The following STT3A variants were observed in gnomAD, a reference collection of about 807,000 sequenced individuals.
The protein encoded by STT3A is STT3 oligosaccharyltransferase complex catalytic subunit A.
STT3A carries 34 observed loss-of-function variants against 89.2 expected under a neutral mutation model. That is an observed-to-expected ratio of 0.38 (90% CI 0.29 to 0.51). The LOEUF is 0.51. Ranked by LOEUF, STT3A falls within the 20% of genes least tolerant of loss-of-function variation. The probability of loss-of-function intolerance (pLI) is 0.89; values close to 1 mark genes in which losing one functional copy is unlikely to be tolerated. For missense variants in STT3A, 555 were observed against 889.5 expected, an observed-to-expected ratio of 0.62 and a Z score of 4.78; for synonymous variants, 282 against 310.3, an observed-to-expected ratio of 0.91 and a Z score of 0.96.
chr11:125,608,074 C>T (rs1253732067), intron 8 of STT3A, 35 bp from the exon 9 acceptor site: 17 of 1,535,846 alleles, frequency 1.1e-5, no homozygotes, highest in Admixed American at 8.6e-5. Context: ...CATTTTTTTT[C>T]CTTAGTATTA....
chr11:125,612,821 G>A (rs962995884), intron 12 of STT3A, 74 bp downstream of exon 12: 8 of 1,566,730 alleles, frequency 5.1e-6, no homozygotes, highest in Non-Finnish European at 6.9e-6. Context: ...GGGCAGCGGG[G>A]GGTGGGAGGA....
At chr11:125,599,072 T>A (rs1456978117) in intron 3 of STT3A, among the ~76,000 whole-genome samples, 1 of 152,228 alleles carries the variant, frequency 6.6e-6, no homozygotes, top group Non-Finnish European at 1.5e-5. Context: ...AGGAGGAAAC[T>A]GATTCCCAGA....
chr11:125,612,416 CAA>C (rs1940054401), intron 11 of STT3A, among the ~76,000 whole-genome samples, 174 bp from the exon 12 acceptor site: 1 of 152,094 alleles, frequency 6.6e-6, no homozygotes, highest in African/African-American at 2.4e-5. Flanking sequence ...ATAATTGAAA[CAA>C]AGTTTAAGAA....
rs576171078 is a variant in STT3A, at chr11:125,612,531, G to A, written c.1210-61G>A. 3 of 1,545,586 alleles carry A rather than the reference G, an allele frequency of 1.9e-6. No individual in the cohort carries two copies. The South Asian group carries it at 3.7e-5, about 19-fold the overall frequency. On this transcript the variant is annotated intron_variant, in intron 11 of 17. Transcript: ENST00000392708. ...AAATTGATGTCTTGATCTACTAATAGGCTGAAATCTGTAAATTGTGGAACA... is the reference window on the plus strand; with the variant it reads ...AAATTGATGTCTTGATCTACTAATAAGCTGAAATCTGTAAATTGTGGAACA...
chr11:125,611,563 G>A (rs753494770), intron 11 of STT3A, 44 bp downstream of exon 11: 21 of 1,561,574 alleles, frequency 1.3e-5, no homozygotes, highest in Non-Finnish European at 1.8e-5. Context: ...CTCTAACTCT[G>A]AGGTGCTTTT....
chr11:125,595,998 T>C lies in STT3A; in HGVS notation c.83T>C (p.Val28Ala), dbSNP rs1200511204. 1.2e-6 allele frequency: 2 copies of C among 1,611,694 alleles called. No homozygotes were observed. The highest frequency in any genetic ancestry group is 1.3e-5 in the African/African-American group (1 of 74,848). The change falls in exon 2 of 18, where the codon GTA becomes GCA. Residue 28 changes from valine (V) to alanine (A), a missense_variant. By Grantham distance (64) the Val-to-Ala change is moderately conservative. Transcript: ENST00000392708. Reference sequence around the variant, plus strand: ...CTTCTCATTCTGTCAATGGCTGCTGTATTATGTGAGTGTGCATGTGAACCT... The same window carrying C: ...CTTCTCATTCTGTCAATGGCTGCTGCATTATGTGAGTGTGCATGTGAACCT... ...LKLLILSMAA[V>A]LSFSTRLFAV...
At chr11:125,597,981 A>G (rs915209430) in intron 3 of STT3A, among the ~76,000 whole-genome samples, 1 of 152,210 alleles carries the variant, frequency 6.6e-6, no homozygotes, top group Non-Finnish European at 1.5e-5. Flanking sequence ...GGGGAGGCCA[A>G]GGCGGGCAGA....
intron 3 of STT3A, 146 bp downstream of exon 3, chr11:125,597,265 A>G (rs1939524860): frequency 3.6e-6 from 3 of 829,486 alleles, no homozygotes; most frequent in African/African-American, 1.7e-5. Context: ...AATTCTTCCA[A>G]AGGAGATAAT....
Position 125,621,037 on chromosome 11 carries a change from A to G in STT3A, c.*227A>G, listed in dbSNP as rs1168562068. 2.1e-5 allele frequency: 9 copies of G among 421,872 alleles called. No homozygotes were observed. Among genetic ancestry groups the G allele is most frequent in the Middle Eastern group, 6.2e-4 (1 of 1,602 alleles). The allele number at this position is 421,872 out of a possible 1,614,324, so 26.1% of individuals were successfully genotyped here. A position where few individuals can be genotyped will look rare whatever the true frequency, so the allele number is the denominator to read the frequency against. ...AAATGTCATGGCTTTACTTTGGTCA[A>G]TTAAAGGGGGGAATTTTTTTAAAAA... On this transcript the variant is annotated 3_prime_UTR_variant, in exon 18 of 18. Transcript: ENST00000392708.
rs17140162 is a variant in STT3A, at chr11:125,620,721, C to A, written c.2080-51C>A. ...GTGAATCCATTTTAGTAGAAAATTT[C>A]TCCAAAGTTGATCTGATTGTAAATA... On this transcript the variant is annotated intron_variant, in intron 17 of 17. Transcript: ENST00000392708. The A allele has an allele frequency of 7.8e-3, 12,293 of 1,586,062 alleles. 629 individuals carry two copies. In the African/African-American group the frequency reaches 0.13, roughly 16 times the overall value.
At chr11:125,617,456 G>T (rs1239054054) in intron 15 of STT3A, among the ~76,000 whole-genome samples, 5 of 152,090 alleles carry the variant, frequency 3.3e-5, no homozygotes, top group Admixed American at 6.5e-5. Flanking sequence ...CGAACTCTTT[G>T]CAGTAGTGCA....
At chr11:125,609,620 G>T (rs1325886111) in intron 10 of STT3A, 31 bp downstream of exon 10, 1 of 1,576,884 alleles carries the variant, frequency 6.3e-7, no homozygotes, top group Non-Finnish European at 8.6e-7. Flanking sequence ...AAATGGCCTT[G>T]TTCATAAGAA....
rs1389263648 is a variant in STT3A at position 125,622,287 on chromosome 11, A to G, written c.*1477A>G. On this transcript the variant is annotated 3_prime_UTR_variant, in exon 18 of 18. Coordinates refer to ENST00000392708, the MANE Select transcript of STT3A (RefSeq NM_152713.5). ...AGCCTTCCAAACCAATTTATATACC[A>G]TGTTCTTCAACTGTGGGTGAGATTT... 6.6e-6 allele frequency: 1 copy of G among 152,202 alleles called. No individual in the cohort carries two copies. The highest frequency in any genetic ancestry group is 1.5e-5 in the Non-Finnish European group (1 of 68,038). The allele number at this position is 152,202 out of a possible 1,614,324, so 9.4% of individuals were successfully genotyped here.
At chr11:125,620,150 G>A (rs1337631373) in intron 17 of STT3A, 24 bp downstream of exon 17, 9 of 1,578,396 alleles carry the variant, frequency 5.7e-6, no homozygotes, top group Non-Finnish European at 6.9e-6. Flanking sequence ...ATACGTCTCA[G>A]AAAGCAACTT....
intron 8 of STT3A, among the ~76,000 whole-genome samples, chr11:125,606,975 C>G (rs1939859320): frequency 6.6e-6 from 1 of 152,184 alleles, no homozygotes; most frequent in African/African-American, 2.4e-5. Context: ...TAGAGGTCAA[C>G]AAGTATTTCT....
intron 6 of STT3A, among the ~76,000 whole-genome samples, chr11:125,605,380 T>A (rs1939801346): frequency 6.6e-6 from 1 of 152,210 alleles, no homozygotes; most frequent in Non-Finnish European, 1.5e-5. Flanking sequence ...ATTTACTTAA[T>A]GTTTATTATA....
rs769861922 is a variant in STT3A at position 125,602,363 on chromosome 11, C to T, written c.210C>T (p.Asn70=). The T allele has an allele frequency of 1.9e-6, 3 of 1,613,736 alleles. No individual in the cohort carries two copies. The Admixed American group carries it at 5.0e-5, about 27-fold the overall frequency. ...LAEEGFYKFH[N]WFDDRAWYPL... The stretch of plus-strand genomic sequence containing the variant: ...AGGAGGGGTTTTATAAATTCCATAA[C>T]TGGTTTGATGACCGAGCCTGGTACC... Residue 70 remains asparagine, a synonymous_variant, in exon 4 of 18, where the codon AAC becomes AAT. Coordinates refer to ENST00000392708, the MANE Select transcript of STT3A (RefSeq NM_152713.5).
rs570752366 is a variant in STT3A at position 125,604,217 on chromosome 11, C to A, written c.478C>A (p.Arg160=). ...MIAVVPGYIS[R]SVAGSYDNEG... Reference sequence around the variant, plus strand: ...TGCTGTAGTTCCTGGATATATCTCCCGATCTGTGGCTGGCTCCTATGATAA... The same window carrying A: ...TGCTGTAGTTCCTGGATATATCTCCAGATCTGTGGCTGGCTCCTATGATAA... Residue 160 remains arginine, a synonymous_variant, in exon 6 of 18, where the codon CGA becomes AGA. Coordinates refer to ENST00000392708, the MANE Select transcript of STT3A (RefSeq NM_152713.5). 6.2e-7 allele frequency: 1 copy of A among 1,614,000 alleles called. No individual in the cohort carries two copies. The highest frequency in any genetic ancestry group is 2.2e-5 in the East Asian group (1 of 44,876).
In STT3A at chr11:125,608,894, CT is replaced by C. The variant is rs112492159; in HGVS notation, c.962-531del. Among the ~76,000 whole-genome samples, 9 of 151,334 alleles carry C rather than the reference CT, an allele frequency of 5.9e-5. No homozygotes were observed. In the South Asian group the frequency reaches 6.3e-4, roughly 11 times the overall value. ...TTGCGAATCTTTCTCCTTTTTCTTT[CT>C]TTTTTTTTCTTTCCTATTGATTGGG... is the stretch of plus-strand genomic sequence containing the variant. On this transcript the variant is annotated intron_variant, in intron 9 of 17. Transcript: ENST00000392708.
Sources: allele counts gnomAD v4.1 joint callset (sites outside exome capture counted in the v4.1 genomes callset), GRCh38; gene constraint gnomAD v4.1.1; transcripts MANE v1.5; gene names NCBI Gene and HGNC (gene_info 2026-07-23, HGNC 2026-07-21).